GPR39: variants seen among roughly 807,000 people sequenced by gnomAD.
The protein encoded by GPR39 is zinc sensing receptor.
In GPR39, 23 loss-of-function variants were observed where a neutral mutation model predicts 18.4. The ratio of observed to expected loss-of-function variants is 1.25; its 90% CI spans 0.90 to 1.77. The LOEUF is 1.77. Ranked by LOEUF, GPR39 falls within the 40% of genes most tolerant of loss-of-function variation. The pLI, the probability that GPR39 is intolerant of heterozygous loss-of-function variation, is 0.00. For synonymous variants in GPR39, 280 were observed against 257.9 expected (o/e 1.09, Z -0.82); for missense variants, 647 against 602.4 (o/e 1.07, Z -0.78).
rs561066808 is a variant in GPR39 at position 132,544,956 on chromosome 2, G to A, written c.857-100145G>A. 3.9e-5 allele frequency among the ~76,000 whole-genome samples: 6 copies of A among 152,326 alleles called. No individual in the cohort carries two copies. The East Asian group carries it at 7.7e-4, about 20-fold the overall frequency. On this transcript the variant is annotated intron_variant, in intron 1 of 1. Coordinates refer to ENST00000329321, the MANE Select transcript of GPR39 (RefSeq NM_001508.3). ...ATGACAGTGTAAAAAACCAATTAGG[G>A]AATGGTAGATATATGTAAAATAGGT...
At chr2:132,622,042 G>T (rs1279458396) in intron 1 of GPR39, among the ~76,000 whole-genome samples, 2 of 152,172 alleles carry the variant, frequency 1.3e-5, no homozygotes, top group Admixed American at 1.3e-4. Context: ...TCCTGCTGAG[G>T]TGAGGGGTCC....
rs994810965 is a variant in GPR39, at chr2:132,464,978, C to T, written c.856+47080C>T. Among the ~76,000 whole-genome samples the T allele has an allele frequency of 2.1e-4, 32 of 152,314 alleles. 1 individual carries two copies. The highest frequency in any genetic ancestry group is 7.8e-4 in the Admixed American group (12 of 15,302). ...GAAATGATGTCCTGTGTCCCTTAAA[C>T]CAAGAGGTCCTAGCAGGCCTGGTGG... is the stretch of plus-strand genomic sequence containing the variant. On this transcript the variant is annotated intron_variant, in intron 1 of 1. Transcript: ENST00000329321.
chr2:132,539,039 C>T (rs1679812220), intron 1 of GPR39, among the ~76,000 whole-genome samples: 1 of 152,212 alleles, frequency 6.6e-6, no homozygotes, highest in African/African-American at 2.4e-5. Flanking sequence ...ACTTGGCTCC[C>T]TGGCTTCAGC....
At chr2:132,508,869 A>G (rs1449603982) in intron 1 of GPR39, among the ~76,000 whole-genome samples, 1 of 152,134 alleles carries the variant, frequency 6.6e-6, no homozygotes, top group Non-Finnish European at 1.5e-5. Flanking sequence ...CCAGTTGTCC[A>G]CCAGTCCATA....
At chr2:132,593,534 G>A in intron 1 of GPR39, among the ~76,000 whole-genome samples, 1 of 152,300 alleles carries the variant, frequency 6.6e-6, no homozygotes, top group South Asian at 2.1e-4. Flanking sequence ...ACTCCTAGGA[G>A]CTGAGGAGAA....
At chr2:132,427,252 CCTCCCAGGT>C (rs1459236091) in intron 1 of GPR39, among the ~76,000 whole-genome samples, 1 of 147,074 alleles carries the variant, frequency 6.8e-6, no homozygotes, top group Non-Finnish European at 1.5e-5. Context: ...GCAAGCTCTG[CCTCCCAGGT>C]TCATGCCATA....
intron 1 of GPR39, among the ~76,000 whole-genome samples, chr2:132,459,869 C>T (rs1289995642): frequency 2.0e-5 from 3 of 152,198 alleles, no homozygotes; most frequent in East Asian, 1.9e-4. Flanking sequence ...TCCAGGATTA[C>T]GTAGATCAGT....
chr2:132,602,146 C>T (rs906059346), intron 1 of GPR39, among the ~76,000 whole-genome samples: 2 of 151,986 alleles, frequency 1.3e-5, no homozygotes, highest in African/African-American at 4.8e-5. Flanking sequence ...TCAAAATATA[C>T]CACAAAGCTA....
chr2:132,594,102 G>T (rs999683103), intron 1 of GPR39, among the ~76,000 whole-genome samples: 5 of 152,150 alleles, frequency 3.3e-5, no homozygotes, highest in African/African-American at 1.2e-4. Context: ...TTTACAATGT[G>T]AACAATCAGA....
At chr2:132,606,514 C>G (rs1180921632) in intron 1 of GPR39, among the ~76,000 whole-genome samples, 2 of 152,216 alleles carry the variant, frequency 1.3e-5, no homozygotes, top group Non-Finnish European at 2.9e-5. Context: ...TTGTGGGTAG[C>G]CCTTCTGGGC....
chr2:132,614,121 C>G (rs1019754987), intron 1 of GPR39, among the ~76,000 whole-genome samples: 2 of 151,796 alleles, frequency 1.3e-5, no homozygotes, highest in Non-Finnish European at 1.5e-5. Context: ...CTTGTGAATT[C>G]TTCTAGCATC....
Position 132,417,434 on chromosome 2 carries a change from T to C in GPR39, c.392T>C (p.Phe131Ser). The change falls in exon 1 of 2, where the codon TTT (phenylalanine) becomes TCT (serine). Residue 131 changes from phenylalanine to serine, a missense_variant. Phe to Ser is a radical substitution (Grantham distance 155). Around this residue, in one of 3 missense-constraint regions of GPR39, gnomAD observed 581 missense variants for 506.8 expected, o/e 1.15. Coordinates refer to ENST00000329321, the MANE Select transcript of GPR39 (RefSeq NM_001508.3). ...CTGCTGCACGTGCTGACACTCAGCTTTGAGCGCTACATCGCCATCTGTCAC... is the reference window on the plus strand; with the variant it reads ...CTGCTGCACGTGCTGACACTCAGCTCTGAGCGCTACATCGCCATCTGTCAC... ...ATLLHVLTLS[F>S]ERYIAICHPF... is the part of the protein sequence containing the mutation. 6.2e-7 allele frequency: 1 copy of C among 1,614,184 alleles called. No homozygotes were observed. The highest frequency in any genetic ancestry group is 2.2e-5 in the East Asian group (1 of 44,864).
chr2:132,639,371 A>C (rs926307243), intron 1 of GPR39, among the ~76,000 whole-genome samples: 3 of 152,168 alleles, frequency 2.0e-5, no homozygotes, highest in African/African-American at 7.2e-5. Flanking sequence ...AGGCAGGAGG[A>C]GGACAGAGCA....
intron 1 of GPR39, among the ~76,000 whole-genome samples, chr2:132,457,632 A>C (rs1179926869): frequency 6.6e-6 from 1 of 152,180 alleles, no homozygotes; most frequent in Non-Finnish European, 1.5e-5. Context: ...TCAGAGCTCA[A>C]ACGTCGTGCT....
intron 1 of GPR39, among the ~76,000 whole-genome samples, chr2:132,484,843 G>A (rs138981566): frequency 3.9e-4 from 60 of 152,322 alleles, no homozygotes; most frequent in African/African-American, 1.4e-3. Context: ...ATAGAAAATC[G>A]AGTATTAAGT....
intron 1 of GPR39, among the ~76,000 whole-genome samples, chr2:132,574,102 G>A (rs1680488334): frequency 6.6e-6 from 1 of 152,112 alleles, no homozygotes; most frequent in African/African-American, 2.4e-5. Flanking sequence ...TATAATTCAG[G>A]GAAAGGATAT....
At chr2:132,602,671 A>G (rs1225245977) in intron 1 of GPR39, among the ~76,000 whole-genome samples, 1 of 152,112 alleles carries the variant, frequency 6.6e-6, no homozygotes, top group Non-Finnish European at 1.5e-5. Context: ...ATCTACAAAG[A>G]ATTCAAATAA....
At chr2:132,540,500 C>G (rs1277741998) in intron 1 of GPR39, among the ~76,000 whole-genome samples, 4 of 152,182 alleles carry the variant, frequency 2.6e-5, no homozygotes, top group Admixed American at 2.6e-4. Flanking sequence ...ACTGGAGACC[C>G]CTGTCTGCCA....
At chr2:132,586,705 G>C in intron 1 of GPR39, among the ~76,000 whole-genome samples, 1 of 152,202 alleles carries the variant, frequency 6.6e-6, no homozygotes, top group East Asian at 1.9e-4. Flanking sequence ...AGATATTCTA[G>C]AGGAATTCAC....
Sources: gnomAD v4.1 joint callset for allele counts (sites outside exome capture counted in the v4.1 genomes callset) on GRCh38, gnomAD v4.1.1 for gene constraint, gnomAD v4.1.1 regional missense constraint, MANE v1.5 for transcripts, NCBI Gene and HGNC (gene_info 2026-07-23, HGNC 2026-07-21) for gene names.